The following CLYBL variants were observed in gnomAD, a reference collection of about 807,000 sequenced individuals.
CLYBL encodes the protein citramalyl-CoA lyase.
A neutral mutation model predicts 38.9 loss-of-function variants in CLYBL; 31 were observed. The ratio of observed to expected loss-of-function variants is 0.80; its 90% CI spans 0.60 to 1.08. The LOEUF is 1.08. Ranked by LOEUF, CLYBL falls within the 50% of genes least tolerant of loss-of-function variation. The pLI, the probability that CLYBL is intolerant of heterozygous loss-of-function variation, is 0.00. For missense variants in CLYBL, 434 were observed against 411.6 expected, an observed-to-expected ratio of 1.05 and a Z score of -0.47; for synonymous variants, 171 against 158.6, an observed-to-expected ratio of 1.08 and a Z score of -0.59.
chr13:99,737,029 T>C (rs2048679502), intron 1 of CLYBL, among the ~76,000 whole-genome samples: 1 of 152,146 alleles, frequency 6.6e-6, no homozygotes, highest in Admixed American at 6.5e-5. Flanking sequence ...ACAATATACA[T>C]AGATAATCAT....
At chr13:99,626,775 A>G (rs1400903194) in intron 1 of CLYBL, among the ~76,000 whole-genome samples, 1 of 152,178 alleles carries the variant, frequency 6.6e-6, no homozygotes, top group Admixed American at 6.6e-5. Flanking sequence ...TTAAATGTCA[A>G]TTACCAAAAA....
intron 1 of CLYBL, among the ~76,000 whole-genome samples, chr13:99,626,991 TC>T (rs2046879144): frequency 6.6e-6 from 1 of 150,746 alleles, no homozygotes; most frequent in Non-Finnish European, 1.5e-5. Context: ...CTCAGAACTT[TC>T]TGTCCACGGA....
chr13:99,904,268 G>A (rs1320305372), intron 8 of CLYBL, among the ~76,000 whole-genome samples: 1 of 152,146 alleles, frequency 6.6e-6, no homozygotes, highest in African/African-American at 2.4e-5. Context: ...AGATTAAAAA[G>A]AGAAACAGCC....
At chr13:99,723,498 G>A (rs1430497295) in intron 1 of CLYBL, among the ~76,000 whole-genome samples, 1 of 152,170 alleles carries the variant, frequency 6.6e-6, no homozygotes, top group East Asian at 1.9e-4. Context: ...CCAAAATGTT[G>A]GAGCTGCTGC....
At chr13:99,656,771 A>C (rs1247964857) in intron 1 of CLYBL, among the ~76,000 whole-genome samples, 1 of 152,194 alleles carries the variant, frequency 6.6e-6, no homozygotes, top group East Asian at 1.9e-4. Context: ...AAGATACTTA[A>C]AATTAATGAG....
At chr13:99,709,923 C>CTTTTTTT (rs373484721) in intron 1 of CLYBL, among the ~76,000 whole-genome samples, 5 of 110,460 alleles carry the variant, frequency 4.5e-5, no homozygotes, top group African/African-American at 1.1e-4. Flanking sequence ...TTCTTTCTTT[C>CTTTTTTT]TTTTTTTTTT....
intron 2 of CLYBL, among the ~76,000 whole-genome samples, chr13:99,817,513 G>A (rs573770871): frequency 1.3e-5 from 2 of 152,038 alleles, no homozygotes; most frequent in South Asian, 2.1e-4. Flanking sequence ...AACTTAGCCG[G>A]GCGTGGTGGC....
intron 2 of CLYBL, among the ~76,000 whole-genome samples, chr13:99,802,566 C>T (rs535075789): frequency 6.6e-6 from 1 of 152,288 alleles, no homozygotes; most frequent in South Asian, 2.1e-4. Context: ...AAGTCCCTCT[C>T]ACCAGTGCAG....
At chr13:99,905,335 G>C (rs768530249) in exon 9 of CLYBL, among the ~76,000 whole-genome samples, 2 of 152,128 alleles carry the variant, frequency 1.3e-5, no homozygotes, top group African/African-American at 4.8e-5. Flanking sequence ...CATACATGGC[G>C]ACCTGTGTCA....
intron 1 of CLYBL, among the ~76,000 whole-genome samples, chr13:99,695,129 T>C (rs546308891): frequency 6.6e-6 from 1 of 152,144 alleles, no homozygotes; most frequent in Non-Finnish European, 1.5e-5. Flanking sequence ...AAAATATTCA[T>C]ATTTAAAAGT....
chr13:99,798,811 G>C (rs984100967), intron 2 of CLYBL, among the ~76,000 whole-genome samples: 1 of 152,176 alleles, frequency 6.6e-6, no homozygotes, highest in African/African-American at 2.4e-5. Context: ...TTGTACCTCA[G>C]CTATTTTGTT....
At chr13:99,633,392 G>C (rs1050191653) in intron 1 of CLYBL, among the ~76,000 whole-genome samples, 2 of 151,430 alleles carry the variant, frequency 1.3e-5, no homozygotes, top group African/African-American at 4.9e-5. Context: ...ATACAAAACT[G>C]GGCATGGTGG....
At chr13:99,721,936 A>C (rs898420030) in intron 1 of CLYBL, among the ~76,000 whole-genome samples, 1 of 152,196 alleles carries the variant, frequency 6.6e-6, no homozygotes, top group Non-Finnish European at 1.5e-5. Context: ...TTCTTCTGCA[A>C]ACCAAGGCTC....
chr13:99,661,534 C>T (rs946826415), intron 1 of CLYBL, among the ~76,000 whole-genome samples: 4 of 152,128 alleles, frequency 2.6e-5, no homozygotes, highest in Admixed American at 6.5e-5. Context: ...TGCATATGCA[C>T]ATGGAAGTGA....
intron 2 of CLYBL, among the ~76,000 whole-genome samples, chr13:99,802,193 G>A (rs1053582068): frequency 7.2e-5 from 11 of 152,248 alleles, no homozygotes; most frequent in African/African-American, 2.4e-4. Context: ...CCAGTTCCCA[G>A]TGAGGGCTTT....
intron 1 of CLYBL, among the ~76,000 whole-genome samples, chr13:99,692,277 G>GTTTTTTTTTTTT (rs113949110): frequency 7.4e-5 from 9 of 121,944 alleles, no homozygotes; most frequent in African/African-American, 2.3e-4. Flanking sequence ...GTTCACATTT[G>GTTTTTTTTTTTT]TTTTTTTTGT....
chr13:99,692,977 TA>T (rs1410747294), intron 1 of CLYBL, among the ~76,000 whole-genome samples: 1 of 152,208 alleles, frequency 6.6e-6, no homozygotes, highest in Non-Finnish European at 1.5e-5. Context: ...CAATGATGGA[TA>T]TTTTTTGGGG....
chr13:99,659,080 C>G (rs1594105715), intron 1 of CLYBL, among the ~76,000 whole-genome samples: 3 of 152,208 alleles, frequency 2.0e-5, no homozygotes, highest in South Asian at 4.1e-4. Context: ...TTTTTATGCT[C>G]TTTCCTAAAC....
chr13:99,838,886 G>T (rs553391653), intron 2 of CLYBL, among the ~76,000 whole-genome samples: 1 of 152,140 alleles, frequency 6.6e-6, no homozygotes, highest in Admixed American at 6.5e-5. Context: ...TGATCCACCC[G>T]CCTCGGCCTC....
Sources: allele counts gnomAD v4.1 joint callset (sites outside exome capture counted in the v4.1 genomes callset), GRCh38; gene constraint gnomAD v4.1.1; transcripts MANE v1.5; gene names NCBI Gene and HGNC (gene_info 2026-07-23, HGNC 2026-07-21).